Variants in RFC1 observed in about 807,000 individuals in gnomAD.
RFC1 encodes the protein replication factor C subunit 1.
A neutral mutation model predicts 137.4 loss-of-function variants in RFC1; 37 were observed. The ratio of observed to expected loss-of-function variants is 0.27; its 90% CI spans 0.21 to 0.35. The LOEUF (loss-of-function observed/expected upper bound fraction) is 0.35, where lower values mean the gene tolerates loss of function less well. Ranked by LOEUF, RFC1 falls within the 10% of genes least tolerant of loss-of-function variation. RFC1 has a pLI of 1.00. For missense variants in RFC1, 1,205 were observed against 1,358.5 expected (o/e 0.89, Z 1.78); for synonymous variants, 429 against 455.7 (o/e 0.94, Z 0.75).
intron 10 of RFC1, among the ~76,000 whole-genome samples, chr4:39,314,828 A>C (rs990350110): frequency 6.6e-6 from 1 of 151,866 alleles, no homozygotes; most frequent in Non-Finnish European, 1.5e-5. Context: ...TTGTATACTT[A>C]TCCCCTCCCC....
intron 4 of RFC1, among the ~76,000 whole-genome samples, chr4:39,332,074 G>C (rs1306424600): frequency 6.6e-6 from 1 of 152,216 alleles, no homozygotes; most frequent in East Asian, 1.9e-4. Context: ...CGACACTTGA[G>C]ACGTGCCTTT....
intron 1 of RFC1, among the ~76,000 whole-genome samples, chr4:39,353,672 AGTTTC>A (rs1741325373): frequency 6.6e-6 from 1 of 152,194 alleles, no homozygotes; most frequent in African/African-American, 2.4e-5. Flanking sequence ...GGAGCAAATG[AGTTTC>A]GTATCAGTTT....
At chr4:39,324,834 G>C (rs1739683115) in intron 6 of RFC1, among the ~76,000 whole-genome samples, 1 of 152,228 alleles carries the variant, frequency 6.6e-6, no homozygotes, top group Non-Finnish European at 1.5e-5. Flanking sequence ...GAGTATATCG[G>C]AGGGGTTTCT....
chr4:39,365,153 G>GAAAAAAAAAA (rs745527928), intron 1 of RFC1, among the ~76,000 whole-genome samples: 4 of 79,850 alleles, frequency 5.0e-5, no homozygotes, highest in Non-Finnish European at 6.9e-5. Flanking sequence ...GGGTTGAAAT[G>GAAAAAAAAAA]AAAAAAAAAA....
chr4:39,363,292 G>A (rs543998060), intron 1 of RFC1, among the ~76,000 whole-genome samples: 16 of 151,834 alleles, frequency 1.1e-4, no homozygotes, highest in East Asian at 5.8e-4. Flanking sequence ...ATTTATTTAC[G>A]TGGTTCAAAT....
chr4:39,329,650 A>G (rs569643516), intron 4 of RFC1, among the ~76,000 whole-genome samples: 1 of 152,126 alleles, frequency 6.6e-6, no homozygotes, highest in East Asian at 1.9e-4. Flanking sequence ...AGGCAGTAGG[A>G]GGATCGCTTG....
At chr4:39,358,476 T>C (rs1367211324) in intron 1 of RFC1, among the ~76,000 whole-genome samples, 1 of 152,248 alleles carries the variant, frequency 6.6e-6, no homozygotes, top group Non-Finnish European at 1.5e-5. Context: ...AGTTCACTTG[T>C]AATTATTCAT....
rs1046727517 is a variant in RFC1 at position 39,323,470 on chromosome 4, T to C, written c.643-53A>G. 1.3e-5 allele frequency: 19 copies of C among 1,437,198 alleles called. No homozygotes were observed. The South Asian group carries it at 1.6e-4, about 12-fold the overall frequency. The allele number at this position is 1,437,198 out of a possible 1,614,324, so 89.0% of individuals were successfully genotyped here. A position where few individuals can be genotyped will look rare whatever the true frequency, so the allele number is the denominator to read the frequency against. ...GAGTTGCTCTTTTTCTTTTCGTAAA[T>C]AGAATTTTTAAATGTCTGATTCATA... On this transcript the variant is annotated intron_variant, in intron 6 of 24. Transcript: ENST00000349703.
chr4:39,295,530 T>C (rs1245876529), intron 22 of RFC1, 84 bp downstream of exon 22: 8 of 1,160,236 alleles, frequency 6.9e-6, no homozygotes, highest in Middle Eastern at 2.0e-4. Flanking sequence ...AAAACACAAA[T>C]CTTTTGACTC....
chr4:39,302,034 T>A (rs1454588563), intron 19 of RFC1, among the ~76,000 whole-genome samples: 1 of 152,220 alleles, frequency 6.6e-6, no homozygotes, highest in Non-Finnish European at 1.5e-5. Context: ...TTTATAATTG[T>A]TGAAGCATAA....
At chr4:39,362,835 C>G (rs754759582) in intron 1 of RFC1, among the ~76,000 whole-genome samples, 7 of 152,210 alleles carry the variant, frequency 4.6e-5, no homozygotes, top group Non-Finnish European at 8.8e-5. Flanking sequence ...ACCTAACACA[C>G]TCAAAAGACA....
Position 39,302,480 on chromosome 4 carries a change from A to G in RFC1, c.2436+20T>C. On this transcript the variant is annotated intron_variant, in intron 18 of 24. Transcript: ENST00000349703. The stretch of plus-strand genomic sequence containing the variant: ...GTTAAAAATAATCAACAACTGTTAC[A>G]TGATATATATTTAATTTACCTGTCT... The G allele has an allele frequency of 6.5e-7, 1 of 1,529,942 alleles. No homozygotes were observed. Among genetic ancestry groups the G allele is most frequent in the Non-Finnish European group, 9.1e-7 (1 of 1,104,322 alleles). The allele number at this position is 1,529,942 out of a possible 1,614,324, so 94.8% of individuals were successfully genotyped here. A position where few individuals can be genotyped will look rare whatever the true frequency, so the allele number is the denominator to read the frequency against.
At chr4:39,354,186 A>T (rs765278854) in intron 1 of RFC1, among the ~76,000 whole-genome samples, 18 of 152,234 alleles carry the variant, frequency 1.2e-4, no homozygotes, top group Non-Finnish European at 2.2e-4. Context: ...TACACTAAAA[A>T]TCAAAGCTTT....
At position 39,308,793 on chromosome 4, in the gene RFC1, G is replaced by A; in HGVS notation, c.1728C>T (p.Ser576=). ...GCAAATTTTCCACTTTGTTTTCACTGCTGTCATCAGCCAAATTCCTAGCCT... is the reference window on the plus strand; with the variant it reads ...GCAAATTTTCCACTTTGTTTTCACTACTGTCATCAGCCAAATTCCTAGCCT... The part of the protein sequence containing the change: ...DSKARNLADD[S]SENKVENLLW... The change falls in exon 13 of 25, where the codon AGC becomes AGT. Residue 576 remains serine (S), a synonymous_variant. Transcript: ENST00000349703. 1 of 1,614,106 alleles carries A rather than the reference G, an allele frequency of 6.2e-7. No individual in the cohort carries two copies. Among genetic ancestry groups the A allele is most frequent in the Non-Finnish European group, 8.5e-7 (1 of 1,180,020 alleles).
intron 14 of RFC1, among the ~76,000 whole-genome samples, chr4:39,306,349 T>C (rs17288468): frequency 2.6e-5 from 4 of 152,216 alleles, no homozygotes; most frequent in Non-Finnish European, 5.9e-5. Flanking sequence ...CTTAGTACAC[T>C]GCCTCGCTCG....
At chr4:39,366,110 G>A (rs1311702004) in intron 1 of RFC1, 129 bp downstream of exon 1, 3 of 1,024,560 alleles carry the variant, frequency 2.9e-6, no homozygotes, top group African/African-American at 3.4e-5. Flanking sequence ...CCCCTTCTCT[G>A]CCTTTGCTAG....
chr4:39,320,753 A>C, intron 8 of RFC1, 84 bp from the exon 9 acceptor site: 3 of 1,336,014 alleles, frequency 2.2e-6, no homozygotes, highest in Non-Finnish European at 3.0e-6. Flanking sequence ...CAACTGAGTA[A>C]TCTTAGCACA....
At chr4:39,343,836 G>A (rs768815658) in intron 3 of RFC1, among the ~76,000 whole-genome samples, 3 of 152,138 alleles carry the variant, frequency 2.0e-5, no homozygotes, top group Admixed American at 6.5e-5. Context: ...AGAAGGCCGG[G>A]TGTGGTGGCT....
chr4:39,331,706 A>C (rs570966372), intron 4 of RFC1, among the ~76,000 whole-genome samples: 1 of 152,378 alleles, frequency 6.6e-6, no homozygotes, highest in African/African-American at 2.4e-5. Flanking sequence ...AGGTGGCAAA[A>C]GCAGATGACA....
Sources: allele counts gnomAD v4.1 joint callset (sites outside exome capture counted in the v4.1 genomes callset), GRCh38; gene constraint gnomAD v4.1.1; transcripts MANE v1.5; gene names NCBI Gene and HGNC (gene_info 2026-07-23, HGNC 2026-07-21).